Variants in DLG5 observed in about 807,000 individuals in gnomAD.
DLG5 encodes the protein discs large MAGUK scaffold protein 5, also known as disks large homolog 5.
In DLG5, 48 loss-of-function variants were observed where a neutral mutation model predicts 189.8. That is an observed-to-expected ratio of 0.25 (90% confidence interval 0.20 to 0.32). The LOEUF is 0.32. Ranked by LOEUF, DLG5 falls within the 10% of genes least tolerant of loss-of-function variation. DLG5 has a pLI of 1.00. For missense variants in DLG5, 2,160 were observed against 2,544.7 expected (o/e 0.85, Z 3.25); for synonymous variants, 1,016 against 1,054.1 (o/e 0.96, Z 0.70).
intron 1 of DLG5, among the ~76,000 whole-genome samples, chr10:77,922,655 G>A (rs1846569454): frequency 6.6e-6 from 1 of 152,106 alleles, no homozygotes; most frequent in African/African-American, 2.4e-5. Context: ...TCTGCCCTGC[G>A]ACTTCTTCCT....
At chr10:77,792,575 G>A in intron 31 of DLG5, 32 bp from the exon 32 acceptor site, 2 of 1,605,868 alleles carry the variant, frequency 1.2e-6, no homozygotes, top group Admixed American at 1.7e-5. Flanking sequence ...ACGTCATTCA[G>A]CTCAGAGTAA....
At chr10:77,884,327 A>C (rs1845372935) in intron 1 of DLG5, among the ~76,000 whole-genome samples, 1 of 152,176 alleles carries the variant, frequency 6.6e-6, no homozygotes, top group Non-Finnish European at 1.5e-5. Flanking sequence ...AAGGGCTTGG[A>C]TAAGACCAGA....
chr10:77,889,057 G>A (rs1434023939), intron 1 of DLG5, among the ~76,000 whole-genome samples: 6 of 144,132 alleles, frequency 4.2e-5, no homozygotes, highest in Admixed American at 3.5e-4. Context: ...AAGCCCACAG[G>A]TAACCTCCCA....
chr10:77,835,608 A>G lies in DLG5; in HGVS notation c.1622+130T>C, dbSNP rs531347667. On this transcript the variant is annotated intron_variant, in intron 8 of 31. Coordinates refer to ENST00000372391, the MANE Select transcript of DLG5 (RefSeq NM_004747.4). ...CTAGGGCATCAACTAGGGGTGAGAAAGGAGGAGCCCAGGTCCCTCCCACTT... is the reference window on the plus strand; with the variant it reads ...CTAGGGCATCAACTAGGGGTGAGAAGGGAGGAGCCCAGGTCCCTCCCACTT... 2.4e-5 allele frequency: 23 copies of G among 969,474 alleles called. No individual in the cohort carries two copies. The East Asian group carries it at 4.3e-4, about 18-fold the overall frequency. 60.1% of individuals were successfully genotyped at this position (969,474 alleles called of 1,614,324 possible).
chr10:77,806,010 C>A (rs1049859026), intron 26 of DLG5, 149 bp from the exon 27 acceptor site: 1 of 728,322 alleles, frequency 1.4e-6, no homozygotes, highest in Non-Finnish European at 2.2e-6. Flanking sequence ...TCTCCTCCCA[C>A]GCCCCTGGGA....
Position 77,830,840 on chromosome 10 carries a change from G to A in DLG5, c.1782C>T (p.Ala594=). The change falls in exon 10 of 32, where the codon GCC becomes GCT. Residue 594 remains alanine (A), a synonymous_variant. Transcript: ENST00000372391. Reference sequence around the variant, plus strand: ...TGTGGGCCATCAGCTGTCGGAACCGGGCCTCCTTTTCCAACTGGGATTCCA... The same window carrying A: ...TGTGGGCCATCAGCTGTCGGAACCGAGCCTCCTTTTCCAACTGGGATTCCA... ...EQMESQLEKE[A]RFRQLMAHSS... 1 of 1,614,132 alleles carries A rather than the reference G, an allele frequency of 6.2e-7. No homozygotes were observed.
chr10:77,868,439 GTGACTCCCC>G, intron 2 of DLG5: 2 of 279,950 alleles, frequency 7.1e-6, no homozygotes, highest in Non-Finnish European at 7.0e-6. Context: ...TCTCAGGCAT[GTGACTCCCC>G]CTCCCAGAAT....
intron 3 of DLG5, among the ~76,000 whole-genome samples, chr10:77,855,925 A>G (rs1844207368): frequency 6.6e-6 from 1 of 152,198 alleles, no homozygotes; most frequent in Non-Finnish European, 1.5e-5. Flanking sequence ...GCAGGTAGAT[A>G]AAGACTCTCT....
At chr10:77,798,663 G>A (rs116369580) in intron 27 of DLG5, among the ~76,000 whole-genome samples, 4,623 of 152,280 alleles carry the variant, frequency 0.03, 233 homozygotes, top group African/African-American at 0.11. Context: ...AGGCATCCCT[G>A]GTGATTCGTC....
intron 20 of DLG5, among the ~76,000 whole-genome samples, chr10:77,813,637 T>G (rs1426059412): frequency 4.0e-5 from 6 of 151,888 alleles, no homozygotes; most frequent in Non-Finnish European, 7.4e-5. Context: ...TACATCACCC[T>G]CCTGCCCCAG....
rs541601492 is a variant in DLG5, at chr10:77,879,114, G to A, written c.305-9917C>T. On this transcript the variant is annotated intron_variant, in intron 1 of 31. Transcript: ENST00000372391. The stretch of plus-strand genomic sequence containing the variant: ...GGTAGTAAGTGCTATGAAGAAAAAT[G>A]TTGCAGAGTTAAATGGTAGGTGGTG... 2.0e-4 allele frequency among the ~76,000 whole-genome samples: 30 copies of A among 152,298 alleles called. No individual in the cohort carries two copies. In the South Asian group the frequency reaches 4.3e-3, roughly 22 times the overall value.
intron 3 of DLG5, 80 bp downstream of exon 3, chr10:77,856,650 T>G: frequency 6.5e-7 from 1 of 1,532,870 alleles, no homozygotes; most frequent in Non-Finnish European, 8.9e-7. Context: ...GAGCCAGGGG[T>G]GTTTGGGGGT....
At chr10:77,928,286 T>C (rs1194354375), upstream of DLG5, 2 of 152,248 alleles carry the variant, frequency 1.3e-5, no homozygotes, top group African/African-American at 4.8e-5. Context: ...TTTGACATGA[T>C]CTCAACTTTT....
chr10:77,802,686 G>A (rs1359609868), intron 27 of DLG5, among the ~76,000 whole-genome samples: 1 of 152,198 alleles, frequency 6.6e-6, no homozygotes, highest in African/African-American at 2.4e-5. Flanking sequence ...CTCACTTGAG[G>A]TCAGGAGTTT....
chr10:77,929,294 G>C (rs974415444), upstream of DLG5: 1 of 151,990 alleles, frequency 6.6e-6, no homozygotes, highest in East Asian at 1.9e-4. Context: ...CTCCCGCCTC[G>C]GTCTCCCAAA....
At chr10:77,804,399 T>C (rs916610458) in intron 27 of DLG5, among the ~76,000 whole-genome samples, 1 of 152,226 alleles carries the variant, frequency 6.6e-6, no homozygotes, top group Non-Finnish European at 1.5e-5. Flanking sequence ...TTGCCAACCC[T>C]TGTCCCAGCT....
At chr10:77,873,592 C>G (rs1444590438) in intron 1 of DLG5, among the ~76,000 whole-genome samples, 1 of 152,154 alleles carries the variant, frequency 6.6e-6, no homozygotes, top group East Asian at 1.9e-4. Flanking sequence ...CCAGCCCTCC[C>G]AGGCCCCCTC....
At chr10:77,825,552 T>C (rs1842591501) in intron 13 of DLG5, among the ~76,000 whole-genome samples, 1 of 151,690 alleles carries the variant, frequency 6.6e-6, no homozygotes, top group Admixed American at 6.6e-5. Context: ...CATTTCAAAG[T>C]CAAGTTTTCT....
In DLG5 at chr10:77,807,984, CA is replaced by C. The variant is rs148770167; in HGVS notation, c.4648-41del. The C allele has an allele frequency of 6.3e-3, 10,179 of 1,611,782 alleles. 573 individuals carry two copies. In the African/African-American group the frequency reaches 0.12, roughly 18 times the overall value. Reference sequence around the variant, plus strand: ...GGTGGATGCATCAGAAGGCAGAAGCCAGGGGGCAGCTTGGGCACCCGAGAGG... The same window carrying C: ...GGTGGATGCATCAGAAGGCAGAAGCCGGGGGCAGCTTGGGCACCCGAGAGG... On this transcript the variant is annotated intron_variant, in intron 24 of 31. Transcript: ENST00000372391.
Sources: gnomAD v4.1 joint callset for allele counts (sites outside exome capture counted in the v4.1 genomes callset) on GRCh38, gnomAD v4.1.1 for gene constraint, MANE v1.5 for transcripts, NCBI Gene and HGNC (gene_info 2026-07-23, HGNC 2026-07-21) for gene names.